The following STRAP variants were observed in gnomAD, a reference collection of about 807,000 sequenced individuals.
The protein encoded by STRAP is serine/threonine kinase receptor associated protein.
Under a neutral mutation model 47.0 loss-of-function variants are expected in STRAP, and 16 were observed. That is an observed-to-expected ratio of 0.34 (90% CI 0.23 to 0.52). The LOEUF (loss-of-function observed/expected upper bound fraction) is 0.52, where lower values mean the gene tolerates loss of function less well. Among genes scored for constraint, STRAP ranks in the 20% least tolerant of loss-of-function variants. The pLI is 0.96. For synonymous variants in STRAP, 130 were observed against 142.7 expected (o/e 0.91, Z 0.63); for missense variants, 293 against 420.0 (o/e 0.70, Z 2.64).
intron 4 of STRAP, among the ~76,000 whole-genome samples, chr12:15,893,128 T>C (rs1948030592): frequency 6.6e-6 from 1 of 151,964 alleles, no homozygotes. Context: ...GCAGTGAGGG[T>C]TTTTTGAAGT....
Position 15,882,821 on chromosome 12 carries a change from T to C in STRAP, c.112+2T>C. ...ATTTCTTAATCAGCGCTTGCAAAGG[T>C]GAGCAAGGCCGCAATCCTGGTCCTC... On this transcript the variant is annotated splice_donor_variant, in intron 1 of 9. Transcript: ENST00000419869. LOFTEE classifies it high-confidence loss of function. The C allele has an allele frequency of 6.2e-7, 1 of 1,611,418 alleles. No homozygotes were observed. The highest frequency in any genetic ancestry group is 8.5e-7 in the Non-Finnish European group (1 of 1,178,802).
intron 4 of STRAP, among the ~76,000 whole-genome samples, chr12:15,893,457 T>C (rs983318624): frequency 2.0e-5 from 3 of 147,038 alleles, no homozygotes; most frequent in African/African-American, 7.4e-5. Flanking sequence ...ATTATACATA[T>C]AATAAATATA....
At chr12:15,883,049 T>C in intron 1 of STRAP, 1 of 1,535,240 alleles carries the variant, frequency 6.5e-7, no homozygotes, top group Non-Finnish European at 8.7e-7. Flanking sequence ...CTAAGACCTC[T>C]CTCCTTATTT....
rs1054123919 is a variant in STRAP at position 15,894,334 on chromosome 12, C to A, written c.500+191C>A. ...CTTAGCCAAGCGCGGTGGCACACAC[C>A]TATAATCCCAGCTACTCGGGAGGCC... is the stretch of plus-strand genomic sequence containing the variant. On this transcript the variant is annotated intron_variant, in intron 5 of 9. Transcript: ENST00000419869. This position sits in a 1 kb window ranked among gnomAD's most constrained non-coding sequence, Gnocchi z 4.9. Among the ~76,000 whole-genome samples the A allele has an allele frequency of 5.3e-5, 8 of 152,142 alleles. No individual in the cohort carries two copies. Among genetic ancestry groups the A allele is most frequent in the African/African-American group, 1.9e-4 (8 of 41,440 alleles).
chr12:15,890,554 A>G lies in STRAP; in HGVS notation c.331-43A>G, dbSNP rs111662003. ...GTTGAAATTTGAAAGAGAAATAACTATTAAAATGGTTAATCTATTCACATT... is the reference window on the plus strand; with the variant it reads ...GTTGAAATTTGAAAGAGAAATAACTGTTAAAATGGTTAATCTATTCACATT... On this transcript the variant is annotated intron_variant, in intron 3 of 9. Transcript: ENST00000419869. The surrounding 1 kb of genome is among the most constrained non-coding windows in gnomAD (Gnocchi z 4.5). 4 of 1,483,364 alleles carry G rather than the reference A, an allele frequency of 2.7e-6. No homozygotes were observed. The African/African-American group carries it at 5.6e-5, about 21-fold the overall frequency. 91.9% of individuals were successfully genotyped at this position (1,483,364 alleles called of 1,614,324 possible).
rs1159860576 is a variant in STRAP, at chr12:15,888,000, T to C, written c.249-1928T>C. 1.3e-5 allele frequency among the ~76,000 whole-genome samples: 2 copies of C among 152,236 alleles called. No homozygotes were observed. Among genetic ancestry groups the C allele is most frequent in the South Asian group, 2.1e-4 (1 of 4,828 alleles). On this transcript the variant is annotated intron_variant, in intron 2 of 9. Coordinates refer to ENST00000419869, the MANE Select transcript of STRAP (RefSeq NM_007178.4). The surrounding 1 kb of genome is among the most constrained non-coding windows in gnomAD (Gnocchi z 5.5). ...TCACTTTTGATGCTTTCTGTCATTC[T>C]AATACTTGTGAACCCTTACCACAAC...
At chr12:15,886,000 CTATTTGGCCTCA>C (rs1390612143) in intron 2 of STRAP, among the ~76,000 whole-genome samples, 1 of 152,096 alleles carries the variant, frequency 6.6e-6, no homozygotes, top group East Asian at 1.9e-4. Flanking sequence ...AGCCTTCAAA[CTATTTGGCCTCA>C]TATAAGGAAG....
chr12:15,894,438 G>A lies in STRAP; in HGVS notation c.500+295G>A, dbSNP rs912813926. On this transcript the variant is annotated intron_variant, in intron 5 of 9. Coordinates refer to ENST00000419869, the MANE Select transcript of STRAP (RefSeq NM_007178.4). The surrounding 1 kb of genome is among the most constrained non-coding windows in gnomAD (Gnocchi z 4.9). ...CGTGCCATTGCACTCTAGCCTGGGC[G>A]ACAGAGCTAGACTGTCTCAAAAGAA... Among the ~76,000 whole-genome samples, 3 of 152,190 alleles carry A rather than the reference G, an allele frequency of 2.0e-5. No individual in the cohort carries two copies. The highest frequency in any genetic ancestry group is 2.9e-5 in the Non-Finnish European group (2 of 68,038).
Position 15,882,474 on chromosome 12 carries a change from CCT to C in STRAP, c.-232_-231del. ...CTTCTCCCCATCCCCTACTTTCCTC[CCT>C]CCCTCCCTTTCCCTCCCTCGTCGAC... On this transcript the variant is annotated 5_prime_UTR_variant, in exon 1 of 10. Transcript: ENST00000419869. 1.9e-6 allele frequency: 1 copy of C among 539,478 alleles called. No individual in the cohort carries two copies. Among genetic ancestry groups the C allele is most frequent in the South Asian group, 2.3e-5 (1 of 43,726 alleles). The allele number at this position is 539,478 out of a possible 1,614,324, so 33.4% of individuals were successfully genotyped here. A position where few individuals can be genotyped will look rare whatever the true frequency, so the allele number is the denominator to read the frequency against.
At chr12:15,901,499 A>G (rs1451216049) in intron 9 of STRAP, among the ~76,000 whole-genome samples, 3 of 152,212 alleles carry the variant, frequency 2.0e-5, no homozygotes, top group African/African-American at 7.2e-5. Context: ...GAACTTCTCC[A>G]TGCCTCCAGG....
intron 9 of STRAP, among the ~76,000 whole-genome samples, chr12:15,902,172 C>T (rs369613217): frequency 2.0e-5 from 3 of 152,058 alleles, no homozygotes; most frequent in Non-Finnish European, 4.4e-5. Flanking sequence ...TGGGGTTTCA[C>T]CATGTTGATC....
rs1591981679 is a variant in STRAP, at chr12:15,883,194, C to G, written c.113-347C>G. The G allele has an allele frequency of 2.1e-6, 3 of 1,450,252 alleles. No individual in the cohort carries two copies. In the East Asian group the frequency reaches 7.4e-5, roughly 36 times the overall value. The allele number at this position is 1,450,252 out of a possible 1,614,324, so 89.8% of individuals were successfully genotyped here. ...GTGCAATACCTTACAAAGACGTTCG[C>G]TCTTGTCTCACTGGATATTCCTTTG... On this transcript the variant is annotated intron_variant, in intron 1 of 9. Transcript: ENST00000419869.
Position 15,882,636 on chromosome 12 carries a change from A to T in STRAP, c.-72A>T. On this transcript the variant is annotated 5_prime_UTR_variant, in exon 1 of 10. Transcript: ENST00000419869. ...GCGGGGGCCTGGAGCAGCCCGAGGCACTGCAGCAGAAGAGAGAAAAGACAA... is the reference window on the plus strand; with the variant it reads ...GCGGGGGCCTGGAGCAGCCCGAGGCTCTGCAGCAGAAGAGAGAAAAGACAA... 1 of 1,272,328 alleles carries T rather than the reference A, an allele frequency of 7.9e-7. No individual in the cohort carries two copies. Among genetic ancestry groups the T allele is most frequent in the Non-Finnish European group, 1.1e-6 (1 of 901,454 alleles). The allele number at this position is 1,272,328 out of a possible 1,614,324, so 78.8% of individuals were successfully genotyped here. A position where few individuals can be genotyped will look rare whatever the true frequency, so the allele number is the denominator to read the frequency against.
chr12:15,900,891 T>G, intron 8 of STRAP, 56 bp from the exon 9 acceptor site: 1 of 1,394,692 alleles, frequency 7.2e-7, no homozygotes, highest in Non-Finnish European at 9.5e-7. Context: ...TATTGAACAC[T>G]GGAAATTACT....
intron 7 of STRAP, among the ~76,000 whole-genome samples, chr12:15,899,268 A>G (rs954453271): frequency 4.6e-5 from 7 of 152,188 alleles, no homozygotes; most frequent in Non-Finnish European, 8.8e-5. Flanking sequence ...GGCTTTGAGA[A>G]CTAATAAGGT....
At position 15,894,808 on chromosome 12, in the gene STRAP, G is replaced by C. The variant is rs139845925; in HGVS notation, c.501-551G>C. On this transcript the variant is annotated intron_variant, in intron 5 of 9. Transcript: ENST00000419869. The surrounding 1 kb of genome is among the most constrained non-coding windows in gnomAD (Gnocchi z 4.9). ...AAGTTTGAAATCCAACTTTTTTCTG[G>C]TCCCAAGTATTTTCAATTAAGGGAT... Among the ~76,000 whole-genome samples, 1 of 152,168 alleles carries C rather than the reference G, an allele frequency of 6.6e-6. No individual in the cohort carries two copies. Among genetic ancestry groups the C allele is most frequent in the African/African-American group, 2.4e-5 (1 of 41,528 alleles).
At chr12:15,884,566 A>G (rs1343221569) in intron 2 of STRAP, among the ~76,000 whole-genome samples, 2 of 150,804 alleles carry the variant, frequency 1.3e-5, no homozygotes, top group East Asian at 3.9e-4. Context: ...TACTACATTT[A>G]AAAATATTTT....
At position 15,900,025 on chromosome 12, in the gene STRAP, G is replaced by C. The variant is rs140559082; in HGVS notation, c.897G>C (p.Thr299=). ...TATGGCAAACTGTGGTAGGAAAAACGTATGGCCTTTGGAAATGTGTGCTTC... is the reference window on the plus strand; with the variant it reads ...TATGGCAAACTGTGGTAGGAAAAACCTATGGCCTTTGGAAATGTGTGCTTC... ...LRLWQTVVGK[T]YGLWKCVLPE... Residue 299 remains threonine, a synonymous_variant, in exon 8 of 10, where the codon ACG becomes ACC. Coordinates refer to ENST00000419869, the MANE Select transcript of STRAP (RefSeq NM_007178.4). 6.2e-7 allele frequency: 1 copy of C among 1,613,210 alleles called. No homozygotes were observed. Among genetic ancestry groups the C allele is most frequent in the Non-Finnish European group, 8.5e-7 (1 of 1,179,642 alleles).
At chr12:15,899,864 C>T (rs192619066) in intron 7 of STRAP, 40 bp from the exon 8 acceptor site, 130 of 1,576,562 alleles carry the variant, frequency 8.2e-5, no homozygotes, top group Non-Finnish European at 1.0e-4. Flanking sequence ...AATATTTAAC[C>T]TAATAGTTAA....
Sources: gnomAD v4.1 joint callset for allele counts (sites outside exome capture counted in the v4.1 genomes callset) on GRCh38, gnomAD v4.1.1 for gene constraint, Gnocchi (gnomAD v3.1) non-coding constraint, MANE v1.5 for transcripts, NCBI Gene and HGNC (gene_info 2026-07-23, HGNC 2026-07-21) for gene names.